The following DCDC1 variants were observed in gnomAD, a reference collection of about 807,000 sequenced individuals.
DCDC1 encodes doublecortin domain-containing protein 1.
A neutral mutation model predicts 178.3 loss-of-function variants in DCDC1; 200 were observed. The observed-to-expected ratio is 1.12, with a 90% CI of 1.00 to 1.26. The LOEUF (loss-of-function observed/expected upper bound fraction) is 1.26. Among genes scored for constraint, DCDC1 ranks in the 50% most tolerant of loss-of-function variants. The pLI is 0.00. For synonymous variants in DCDC1, 690 were observed against 604.8 expected, an observed-to-expected ratio of 1.14 and a Z score of -2.07; for missense variants, 1,983 against 1,749.2, an observed-to-expected ratio of 1.13 and a Z score of -2.38.
intron 20 of DCDC1, among the ~76,000 whole-genome samples, chr11:30,996,683 G>T (rs1290885671): frequency 1.3e-5 from 2 of 152,190 alleles, no homozygotes; most frequent in Admixed American, 1.3e-4. Flanking sequence ...GCCTTCACTT[G>T]ACAACCAAAC....
At chr11:30,944,966 T>TA (rs1254183445) in intron 21 of DCDC1, among the ~76,000 whole-genome samples, 1 of 133,412 alleles carries the variant, frequency 7.5e-6, no homozygotes, top group Non-Finnish European at 1.6e-5. Context: ...TGTCTTTTTT[T>TA]TTTTTTTTTT....
intron 8 of DCDC1, among the ~76,000 whole-genome samples, chr11:31,258,209 C>T (rs990746151): frequency 3.3e-5 from 5 of 152,098 alleles, no homozygotes; most frequent in Non-Finnish European, 7.4e-5. Context: ...TCAAAGACTC[C>T]AGATCCAAGT....
chr11:31,208,837 T>G (rs1320918587), intron 9 of DCDC1, among the ~76,000 whole-genome samples: 1 of 152,182 alleles, frequency 6.6e-6, no homozygotes, highest in East Asian at 1.9e-4. Context: ...AGCTATCACC[T>G]CCTCAGAGAC....
intron 20 of DCDC1, among the ~76,000 whole-genome samples, chr11:30,961,911 C>T (rs1949122040): frequency 1.3e-5 from 2 of 151,882 alleles, no homozygotes; most frequent in Admixed American, 1.3e-4. Flanking sequence ...CAAATCACTC[C>T]AAATTTGGAA....
At chr11:31,243,670 A>G (rs1000995083) in intron 8 of DCDC1, among the ~76,000 whole-genome samples, 1 of 151,854 alleles carries the variant, frequency 6.6e-6, no homozygotes, top group African/African-American at 2.4e-5. Context: ...CTTAGAAAAT[A>G]AAATAAAATT....
At chr11:30,980,993 A>T (rs144979260) in intron 20 of DCDC1, among the ~76,000 whole-genome samples, 23 of 152,324 alleles carry the variant, frequency 1.5e-4, no homozygotes, top group African/African-American at 5.5e-4. Flanking sequence ...TATATACACC[A>T]CGAATACAAC....
At chr11:31,192,638 C>G (rs1244042410) in intron 9 of DCDC1, among the ~76,000 whole-genome samples, 1 of 152,090 alleles carries the variant, frequency 6.6e-6, no homozygotes, top group Non-Finnish European at 1.5e-5. Flanking sequence ...GAAAATGTGT[C>G]ATTCCCTTCT....
At chr11:31,300,850 T>C (rs1948064560) in intron 6 of DCDC1, among the ~76,000 whole-genome samples, 1 of 152,134 alleles carries the variant, frequency 6.6e-6, no homozygotes, top group African/African-American at 2.4e-5. Context: ...AGTAAACAAA[T>C]GTAGTCTCTG....
At chr11:31,338,508 G>T (rs539600195) in intron 1 of DCDC1, among the ~76,000 whole-genome samples, 5 of 152,290 alleles carry the variant, frequency 3.3e-5, no homozygotes, top group African/African-American at 9.6e-5. Context: ...GTGGCTAAAA[G>T]GTTGGATTGT....
intron 21 of DCDC1, among the ~76,000 whole-genome samples, chr11:30,939,620 C>T (rs1025453442): frequency 3.3e-5 from 5 of 152,068 alleles, no homozygotes; most frequent in Admixed American, 6.6e-5. Context: ...GGTTATAAAC[C>T]GTCCCTTTCC....
chr11:31,066,946 T>C (rs1956283832), intron 18 of DCDC1, among the ~76,000 whole-genome samples: 1 of 152,144 alleles, frequency 6.6e-6, no homozygotes, highest in South Asian at 2.1e-4. Context: ...GGGGAGGGTG[T>C]ACATTTGTGA....
At chr11:31,300,563 C>CTCG (rs1948036428) in intron 6 of DCDC1, among the ~76,000 whole-genome samples, 1 of 152,076 alleles carries the variant, frequency 6.6e-6, no homozygotes, top group Non-Finnish European at 1.5e-5. Flanking sequence ...AATCTTGCAA[C>CTCG]ATCAGCTGAC....
intron 20 of DCDC1, among the ~76,000 whole-genome samples, chr11:30,990,285 T>C (rs1950904408): frequency 2.0e-5 from 3 of 152,210 alleles, no homozygotes; most frequent in Non-Finnish European, 4.4e-5. Context: ...AGATCTCATT[T>C]GAAGATATGC....
intron 9 of DCDC1, among the ~76,000 whole-genome samples, chr11:31,169,779 G>C (rs1966982469): frequency 6.6e-6 from 1 of 152,184 alleles, no homozygotes; most frequent in Admixed American, 6.5e-5. Flanking sequence ...CTTGTCATAA[G>C]AGAAATGTAC....
intron 21 of DCDC1, among the ~76,000 whole-genome samples, chr11:30,933,875 C>A (rs530897315): frequency 3.3e-5 from 5 of 152,216 alleles, no homozygotes; most frequent in Non-Finnish European, 7.3e-5. Flanking sequence ...GCATTCTCTG[C>A]CAGTTCACTG....
intron 1 of DCDC1, among the ~76,000 whole-genome samples, chr11:31,352,565 A>G (rs1404699832): frequency 1.3e-5 from 2 of 152,194 alleles, no homozygotes; most frequent in Non-Finnish European, 2.9e-5. Context: ...ATATTAAGGA[A>G]GTATGACTTA....
intron 2 of DCDC1, among the ~76,000 whole-genome samples, chr11:31,333,563 A>C (rs981577262): frequency 6.6e-6 from 1 of 152,140 alleles, no homozygotes; most frequent in Admixed American, 6.6e-5. Flanking sequence ...AGCTCTTGTA[A>C]GGCAGGCCTG....
At chr11:31,341,205 C>A (rs1258795549) in intron 1 of DCDC1, among the ~76,000 whole-genome samples, 2 of 152,088 alleles carry the variant, frequency 1.3e-5, no homozygotes, top group Admixed American at 6.5e-5. Flanking sequence ...CATTTCAAGA[C>A]AAAGTTCTCC....
chr11:31,144,246 T>A (rs990366865), intron 9 of DCDC1, among the ~76,000 whole-genome samples: 5 of 152,128 alleles, frequency 3.3e-5, no homozygotes, highest in African/African-American at 1.2e-4. Context: ...GTGATTCTCC[T>A]GCCTCAGCCT....
Sources: allele counts gnomAD v4.1 joint callset (sites outside exome capture counted in the v4.1 genomes callset), GRCh38; gene constraint gnomAD v4.1.1; transcripts MANE v1.5; gene names NCBI Gene and HGNC (gene_info 2026-07-23, HGNC 2026-07-21).